The following PDE4B variants were observed in gnomAD, a reference collection of about 807,000 sequenced individuals.
PDE4B encodes the protein 3',5'-cyclic-AMP phosphodiesterase 4B.
PDE4B carries 20 observed loss-of-function variants against 82.2 expected under a neutral mutation model. That is an observed-to-expected ratio of 0.24 (90% CI 0.17 to 0.35). The LOEUF (loss-of-function observed/expected upper bound fraction) is 0.35, where lower values mean the gene tolerates loss of function less well. Among genes scored for constraint, PDE4B ranks in the 10% least tolerant of loss-of-function variants. The probability of loss-of-function intolerance (pLI) is 1.00; values close to 1 mark genes in which losing one functional copy is unlikely to be tolerated. For missense variants in PDE4B, 655 were observed against 907.2 expected (o/e 0.72, Z 3.57); for synonymous variants, 320 against 318.9 (o/e 1.00, Z -0.04).
At chr1:66,000,854 T>G (rs944956121) in intron 3 of PDE4B, among the ~76,000 whole-genome samples, 10 of 152,178 alleles carry the variant, frequency 6.6e-5, no homozygotes, top group African/African-American at 2.4e-4. Flanking sequence ...TCTTTCAAAC[T>G]GTATTTTCTG....
chr1:65,973,463 A>C (rs1650251099), intron 3 of PDE4B, among the ~76,000 whole-genome samples: 3 of 152,304 alleles, frequency 2.0e-5, no homozygotes, highest in South Asian at 4.1e-4. Flanking sequence ...TCTCAGAACA[A>C]GAGTTTCTTT....
At chr1:66,035,076 A>C (rs1653993440) in intron 3 of PDE4B, among the ~76,000 whole-genome samples, 1 of 152,196 alleles carries the variant, frequency 6.6e-6, no homozygotes, top group Non-Finnish European at 1.5e-5. Context: ...TTCAGTACTT[A>C]TCTGCAATCC....
intron 3 of PDE4B, among the ~76,000 whole-genome samples, chr1:66,169,007 C>T (rs1474789000): frequency 6.6e-6 from 1 of 152,140 alleles, no homozygotes; most frequent in Non-Finnish European, 1.5e-5. Flanking sequence ...TTATCAGCAT[C>T]CAGAAGGAAG....
chr1:66,228,614 GCAAGACTC>G (rs1430569678), intron 3 of PDE4B, among the ~76,000 whole-genome samples: 1 of 143,960 alleles, frequency 6.9e-6, no homozygotes, highest in Non-Finnish European at 1.5e-5. Flanking sequence ...GGGCGACAGA[GCAAGACTC>G]CGTTAAAAAA....
intron 3 of PDE4B, among the ~76,000 whole-genome samples, chr1:66,234,218 G>A (rs1652217526): frequency 6.6e-6 from 1 of 152,154 alleles, no homozygotes; most frequent in African/African-American, 2.4e-5. Context: ...TTCTTCTTGA[G>A]TGAATTTTGA....
At chr1:65,821,852 T>C (rs551273491) in intron 1 of PDE4B, among the ~76,000 whole-genome samples, 1 of 152,182 alleles carries the variant, frequency 6.6e-6, no homozygotes, top group Non-Finnish European at 1.5e-5. Flanking sequence ...TGTCCATCTT[T>C]TGTATTGTGA....
chr1:66,184,728 A>G (rs770762148), intron 3 of PDE4B, among the ~76,000 whole-genome samples: 9 of 152,272 alleles, frequency 5.9e-5, no homozygotes, highest in Non-Finnish European at 1.2e-4. Context: ...CATAAATATT[A>G]TCCTTATTAG....
intron 3 of PDE4B, among the ~76,000 whole-genome samples, chr1:66,115,281 C>T (rs1273370283): frequency 1.3e-5 from 2 of 152,162 alleles, no homozygotes; most frequent in Non-Finnish European, 1.5e-5. Flanking sequence ...ACCAATGCCC[C>T]GTTTTCACGA....
intron 3 of PDE4B, among the ~76,000 whole-genome samples, chr1:66,187,191 T>C (rs2101446760): frequency 6.6e-6 from 1 of 152,204 alleles, no homozygotes; most frequent in East Asian, 1.9e-4. Context: ...GCCCACTTGA[T>C]CATGGTGGAT....
chr1:66,229,349 G>A (rs1040485214), intron 3 of PDE4B, among the ~76,000 whole-genome samples: 3 of 152,186 alleles, frequency 2.0e-5, no homozygotes, highest in African/African-American at 7.2e-5. Flanking sequence ...CCAGAACTAT[G>A]CCACTTGGAC....
chr1:66,371,252 GAAAGAGACCTATAT>G (rs1443380020), intron 16 of PDE4B, among the ~76,000 whole-genome samples: 1 of 150,518 alleles, frequency 6.6e-6, no homozygotes, highest in Non-Finnish European at 1.5e-5. Context: ...CAGTAGTGTG[GAAAGAGACCTATAT>G]AATGTCCCAT....
chr1:66,058,306 G>T (rs1220961516), intron 3 of PDE4B, among the ~76,000 whole-genome samples: 1 of 152,174 alleles, frequency 6.6e-6, no homozygotes, highest in Non-Finnish European at 1.5e-5. Context: ...TGCTTTCATG[G>T]GTTAGCATTG....
At chr1:65,834,176 C>T (rs1028772654) in intron 1 of PDE4B, among the ~76,000 whole-genome samples, 10 of 152,150 alleles carry the variant, frequency 6.6e-5, no homozygotes, top group East Asian at 1.9e-4. Flanking sequence ...TCCAGAGTAG[C>T]TGGGATTACA....
intron 1 of PDE4B, among the ~76,000 whole-genome samples, chr1:65,865,448 A>G (rs1437320741): frequency 1.3e-5 from 2 of 152,058 alleles, no homozygotes; most frequent in Admixed American, 6.6e-5. Flanking sequence ...GAGGGGAGGA[A>G]CAAAACTCCT....
intron 3 of PDE4B, among the ~76,000 whole-genome samples, chr1:66,171,074 A>G (rs1646828069): frequency 1.3e-5 from 2 of 152,198 alleles, no homozygotes; most frequent in South Asian, 4.1e-4. Flanking sequence ...AGAAAAGCAA[A>G]GCACTCTTAA....
intron 7 of PDE4B, chr1:66,331,714 G>A: frequency 1.0e-6 from 1 of 984,294 alleles, no homozygotes; most frequent in Non-Finnish European, 1.2e-6. Context: ...ATTTCCCTGT[G>A]ATCCTGGCAC....
At chr1:65,855,918 A>G (rs1457930449) in intron 1 of PDE4B, among the ~76,000 whole-genome samples, 1 of 152,134 alleles carries the variant, frequency 6.6e-6, no homozygotes, top group Non-Finnish European at 1.5e-5. Context: ...GCAGTCCTGT[A>G]TCATCTCTTT....
Position 65,916,983 on chromosome 1 carries a change from G to C in PDE4B, c.43-1614G>C, listed in dbSNP as rs61112677. The stretch of plus-strand genomic sequence containing the variant: ...TAAGTCAAGCACAAGAAAATATAAT[G>C]GTGTCTCATTTTCTGGTATGGAGGG... On this transcript the variant is annotated intron_variant, in intron 2 of 16. Coordinates refer to ENST00000341517, the MANE Select transcript of PDE4B (RefSeq NM_002600.4). Among the ~76,000 whole-genome samples, 164 of 152,162 alleles carry C rather than the reference G, an allele frequency of 1.1e-3. No homozygotes were observed. The East Asian group carries it at 0.024, about 22-fold the overall frequency.
At chr1:66,060,934 A>C (rs1557532646) in intron 3 of PDE4B, among the ~76,000 whole-genome samples, 1 of 151,924 alleles carries the variant, frequency 6.6e-6, no homozygotes, top group Non-Finnish European at 1.5e-5. Flanking sequence ...AGTGAAAAAT[A>C]GGTGTAATAC....
Sources: allele counts gnomAD v4.1 joint callset (sites outside exome capture counted in the v4.1 genomes callset), GRCh38; gene constraint gnomAD v4.1.1; transcripts MANE v1.5; gene names NCBI Gene and HGNC (gene_info 2026-07-23, HGNC 2026-07-21).